Variants in SULF1 observed in about 807,000 individuals in gnomAD.
SULF1 encodes sulfatase 1, also known as extracellular sulfatase Sulf-1.
Under a neutral mutation model 110.5 loss-of-function variants are expected in SULF1, and 46 were observed. The ratio of observed to expected loss-of-function variants is 0.42; its 90% CI spans 0.33 to 0.53. The LOEUF is 0.53. Among genes scored for constraint, SULF1 ranks in the 20% least tolerant of loss-of-function variants. SULF1 has a pLI of 0.12. For synonymous variants in SULF1, 371 were observed against 387.1 expected (o/e 0.96, Z 0.49); for missense variants, 941 against 1,094.2 (o/e 0.86, Z 1.98).
chr8:69,514,627 C>T (rs964074221), intron 3 of SULF1, among the ~76,000 whole-genome samples: 1 of 152,182 alleles, frequency 6.6e-6, no homozygotes, highest in Non-Finnish European at 1.5e-5. Flanking sequence ...GGAGGCTGTT[C>T]CAGCATTAAC....
chr8:69,591,440 TGTA>T (rs891336646), intron 8 of SULF1, among the ~76,000 whole-genome samples: 2 of 151,846 alleles, frequency 1.3e-5, no homozygotes, highest in African/African-American at 4.8e-5. Flanking sequence ...GGTGGGCACC[TGTA>T]GTCCTAGCTA....
At position 69,566,774 on chromosome 8, in the gene SULF1, C is replaced by T. The variant is rs183567259; in HGVS notation, c.172+2627C>T. On this transcript the variant is annotated intron_variant, in intron 5 of 22. Transcript: ENST00000402687. ...GCTGAGGCAGGAGAATTGCTTGACC[C>T]GTGAGGCAGAGGTTGCAGTGAGCCG... Among the ~76,000 whole-genome samples, 312 of 151,852 alleles carry T rather than the reference C, an allele frequency of 2.1e-3. 1 individual carries two copies. The highest frequency in any genetic ancestry group is 7.0e-3 in the African/African-American group (289 of 41,386).
At chr8:69,569,820 C>A (rs180688696) in intron 5 of SULF1, among the ~76,000 whole-genome samples, 3 of 151,924 alleles carry the variant, frequency 2.0e-5, no homozygotes, top group Admixed American at 6.6e-5. Context: ...ATTATCTTCT[C>A]TTTTTTCCCT....
chr8:69,489,945 A>T (rs1809860710), upstream of SULF1, among the ~76,000 whole-genome samples: 1 of 151,946 alleles, frequency 6.6e-6, no homozygotes, highest in Non-Finnish European at 1.5e-5. Context: ...CTTTATATAA[A>T]AGACAAAACT....
chr8:69,476,605 T>C (rs1271757907), intron 1 of SULF1, among the ~76,000 whole-genome samples: 1 of 152,206 alleles, frequency 6.6e-6, no homozygotes, highest in Non-Finnish European at 1.5e-5. Flanking sequence ...CAAAAGAGAC[T>C]TGGGTCCCAT....
intron 13 of SULF1, among the ~76,000 whole-genome samples, chr8:69,606,791 A>G (rs4738000): frequency 1.3e-5 from 2 of 151,990 alleles, no homozygotes; most frequent in African/African-American, 4.8e-5. Context: ...AAATGCTTTC[A>G]TATCTGGAAT....
At chr8:69,569,645 C>A (rs1563540029) in intron 5 of SULF1, among the ~76,000 whole-genome samples, 1 of 152,194 alleles carries the variant, frequency 6.6e-6, no homozygotes, top group Non-Finnish European at 1.5e-5. Flanking sequence ...AACCCTCTGA[C>A]TTTTCTTATA....
intron 3 of SULF1, among the ~76,000 whole-genome samples, chr8:69,508,545 C>A (rs1453723010): frequency 6.6e-6 from 1 of 152,172 alleles, no homozygotes; most frequent in African/African-American, 2.4e-5. Context: ...AATCTAAGTT[C>A]ATTATCTGCA....
At chr8:69,648,793 C>A (rs1294096959) in intron 22 of SULF1, among the ~76,000 whole-genome samples, 1 of 152,204 alleles carries the variant, frequency 6.6e-6, no homozygotes, top group Non-Finnish European at 1.5e-5. Context: ...AGTTAAAATT[C>A]CATGCATGCA....
intron 13 of SULF1, among the ~76,000 whole-genome samples, chr8:69,620,814 A>G (rs1005702399): frequency 1.1e-4 from 16 of 152,208 alleles, no homozygotes; most frequent in African/African-American, 3.9e-4. Flanking sequence ...TTTGATTTCC[A>G]ATGATTTCGT....
chr8:69,562,395 G>A (rs1815561584), intron 3 of SULF1, among the ~76,000 whole-genome samples: 2 of 152,170 alleles, frequency 1.3e-5, no homozygotes, highest in South Asian at 2.1e-4. Flanking sequence ...AATTAGTTAT[G>A]CCTACTTATC....
In SULF1 at chr8:69,621,143, G is replaced by T; in HGVS notation, c.1486G>T (p.Gly496Cys). The T allele has an allele frequency of 1.2e-6, 2 of 1,614,166 alleles. No individual in the cohort carries two copies. The highest frequency in any genetic ancestry group is 1.7e-6 in the Non-Finnish European group (2 of 1,180,014). ...RQSTRNLYAR[G>C]FHDKDKECSC... The stretch of plus-strand genomic sequence containing the variant: ...GAGCACGCGGAACCTCTACGCTCGC[G>T]GCTTCCATGACAAAGACAAAGAGTG... The change falls in exon 14 of 23, where the codon GGC becomes TGC. Residue 496 changes from glycine to cysteine, a missense_variant. Physicochemically the swap from Gly to Cys is radical, Grantham distance 159. Coordinates refer to ENST00000402687, the MANE Select transcript of SULF1 (RefSeq NM_001128205.2).
chr8:69,473,557 C>A (rs1254121836), intron 1 of SULF1, among the ~76,000 whole-genome samples: 2 of 152,288 alleles, frequency 1.3e-5, no homozygotes, highest in East Asian at 3.9e-4. Flanking sequence ...CATTCTAAAG[C>A]TGGATGGACA....
chr8:69,521,004 A>C (rs1316244398), intron 3 of SULF1, among the ~76,000 whole-genome samples: 1 of 152,152 alleles, frequency 6.6e-6, no homozygotes, highest in Non-Finnish European at 1.5e-5. Flanking sequence ...TTTCAGTATA[A>C]AATGGGGGAA....
intron 22 of SULF1, among the ~76,000 whole-genome samples, chr8:69,653,028 A>G (rs1389956099): frequency 1.3e-5 from 2 of 152,152 alleles, no homozygotes; most frequent in African/African-American, 4.8e-5. Context: ...CGTTTCATCC[A>G]GGTTTTCAAA....
At chr8:69,473,045 A>G (rs2005370) in intron 1 of SULF1, among the ~76,000 whole-genome samples, 73,657 of 151,670 alleles carry the variant, frequency 0.49, 19,377 homozygotes, top group African/African-American at 0.69. Flanking sequence ...TCACTATGGT[A>G]CCCAGGCTGG....
At position 69,645,981 on chromosome 8, in the gene SULF1, C is replaced by T. The variant is rs565146571; in HGVS notation, c.2585+5140C>T. On this transcript the variant is annotated intron_variant, in intron 22 of 22. Transcript: ENST00000402687. ...TGAACTAGTCAGTAGATCTATAAAACAGTTGTATTTAAAACTATTTTCTAA... is the reference window on the plus strand; with the variant it reads ...TGAACTAGTCAGTAGATCTATAAAATAGTTGTATTTAAAACTATTTTCTAA... Among the ~76,000 whole-genome samples the T allele has an allele frequency of 3.9e-5, 6 of 152,076 alleles. No individual in the cohort carries two copies. In the East Asian group the frequency reaches 1.2e-3, roughly 29 times the overall value.
rs150839639 is a variant in SULF1 at position 69,555,425 on chromosome 8, G to A, written c.-133-8114G>A. Among the ~76,000 whole-genome samples, 1,087 of 152,228 alleles carry A rather than the reference G, an allele frequency of 7.1e-3. 10 individuals carry two copies. The highest frequency in any genetic ancestry group is 0.024 in the African/African-American group (976 of 41,528). The stretch of plus-strand genomic sequence containing the variant: ...GTAATCCCAGCACTTTGGGAGGCCG[G>A]GACAGGCAGATCACTTGAGGTCAGG... On this transcript the variant is annotated intron_variant, in intron 3 of 22. Transcript: ENST00000402687.
intron 2 of SULF1, among the ~76,000 whole-genome samples, chr8:69,501,553 CT>C (rs1307795421): frequency 6.6e-6 from 1 of 152,186 alleles, no homozygotes; most frequent in Non-Finnish European, 1.5e-5. Context: ...ACTTGGAACA[CT>C]TTGTAAACTT....
Sources: allele counts gnomAD v4.1 joint callset (sites outside exome capture counted in the v4.1 genomes callset), GRCh38; gene constraint gnomAD v4.1.1; transcripts MANE v1.5; gene names NCBI Gene and HGNC (gene_info 2026-07-23, HGNC 2026-07-21).